Variants in PPP1R9A observed in about 807,000 individuals in gnomAD.
The protein encoded by PPP1R9A is protein phosphatase 1 regulatory subunit 9A.
A neutral mutation model predicts 141.9 loss-of-function variants in PPP1R9A; 59 were observed. The observed-to-expected ratio is 0.42, with a 90% confidence interval of 0.34 to 0.52. The LOEUF is 0.52. PPP1R9A is among the 20% of genes least tolerant of loss of function. The pLI is 0.10. For synonymous variants in PPP1R9A, 500 were observed against 569.7 expected, an observed-to-expected ratio of 0.88 and a Z score of 1.74; for missense variants, 1,444 against 1,611.9, an observed-to-expected ratio of 0.90 and a Z score of 1.78.
intron 2 of PPP1R9A, among the ~76,000 whole-genome samples, chr7:95,018,951 T>G (rs1469522167): frequency 6.6e-6 from 1 of 152,152 alleles, no homozygotes; most frequent in Non-Finnish European, 1.5e-5. Context: ...CCAAGGTAAT[T>G]AAAAGGGAAA....
intron 2 of PPP1R9A, among the ~76,000 whole-genome samples, chr7:95,030,553 T>C (rs1584357309): frequency 6.6e-6 from 1 of 152,254 alleles, no homozygotes; most frequent in East Asian, 1.9e-4. Context: ...CATATACTTT[T>C]AGATGTCTGA....
At chr7:95,245,237 C>G (rs1156842166) in intron 8 of PPP1R9A, among the ~76,000 whole-genome samples, 1 of 152,036 alleles carries the variant, frequency 6.6e-6, no homozygotes. Context: ...TTAGTTTATA[C>G]TGGTGGGGGA....
intron 4 of PPP1R9A, among the ~76,000 whole-genome samples, chr7:95,139,588 G>A (rs2152563436): frequency 6.6e-6 from 1 of 152,178 alleles, no homozygotes; most frequent in South Asian, 2.1e-4. Context: ...GGCAGTTTGG[G>A]AACCAGTGCC....
intron 2 of PPP1R9A, among the ~76,000 whole-genome samples, chr7:95,059,267 A>G (rs951381062): frequency 1.3e-5 from 2 of 152,218 alleles, no homozygotes; most frequent in Admixed American, 6.5e-5. Context: ...GATTTATTTT[A>G]CCAGTCATCC....
intron 8 of PPP1R9A, among the ~76,000 whole-genome samples, chr7:95,235,849 C>G (rs1301976985): frequency 6.6e-6 from 1 of 152,162 alleles, no homozygotes; most frequent in Non-Finnish European, 1.5e-5. Flanking sequence ...TCACAGCAAC[C>G]TGGATGGAAT....
At chr7:95,283,937 C>G in intron 16 of PPP1R9A, 81 bp from the exon 17 acceptor site, 2 of 1,221,594 alleles carry the variant, frequency 1.6e-6, no homozygotes. Flanking sequence ...TTACTTCAAA[C>G]TATATTCAGA....
rs374105073 is a variant in PPP1R9A, at chr7:95,266,353, C to T, written c.2666-2197C>T. Among the ~76,000 whole-genome samples, 4 of 151,846 alleles carry T rather than the reference C, an allele frequency of 2.6e-5. No homozygotes were observed. The East Asian group carries it at 5.8e-4, about 22-fold the overall frequency. ...CCTTTTTTTTTATCATGTTATCTAACATATAGGGAAGATTAATTATAATAT... is the reference window on the plus strand; with the variant it reads ...CCTTTTTTTTTATCATGTTATCTAATATATAGGGAAGATTAATTATAATAT... On this transcript the variant is annotated intron_variant, in intron 12 of 19. Coordinates refer to ENST00000433360, the MANE Select transcript of PPP1R9A (RefSeq NM_001166160.2).
At chr7:95,126,366 C>G (rs1027700963) in intron 4 of PPP1R9A, among the ~76,000 whole-genome samples, 1 of 152,054 alleles carries the variant, frequency 6.6e-6, no homozygotes, top group Admixed American at 6.6e-5. Flanking sequence ...TACCCTTATC[C>G]CTATTGATTC....
intron 2 of PPP1R9A, among the ~76,000 whole-genome samples, chr7:95,061,681 G>A (rs11773583): frequency 0.47 from 71,400 of 151,874 alleles, 17,424 homozygotes; most frequent in African/African-American, 0.53. Flanking sequence ...GGCTGTAGTG[G>A]GCCATGATTG....
chr7:95,273,884 A>G lies in PPP1R9A; in HGVS notation c.3125-15A>G. 1 of 1,480,168 alleles carries G rather than the reference A, an allele frequency of 6.8e-7. No individual in the cohort carries two copies. Among genetic ancestry groups the G allele is most frequent in the Non-Finnish European group, 9.2e-7 (1 of 1,083,274 alleles). The allele number at this position is 1,480,168 out of a possible 1,614,324, so 91.7% of individuals were successfully genotyped here. A position where few individuals can be genotyped will look rare whatever the true frequency, so the allele number is the denominator to read the frequency against. On this transcript the variant is annotated splice_polypyrimidine_tract_variant and intron_variant, in intron 14 of 19. Coordinates refer to ENST00000433360, the MANE Select transcript of PPP1R9A (RefSeq NM_001166160.2). ...TAATAATAATTGATCTTTTTCACAA[A>G]TGTGTATATCCTAGATGATGCCAAA... is the stretch of plus-strand genomic sequence containing the variant.
In PPP1R9A at chr7:95,288,526, C is replaced by G; in HGVS notation, c.3730-10C>G. On this transcript the variant is annotated splice_polypyrimidine_tract_variant and intron_variant, in intron 18 of 19. Coordinates refer to ENST00000433360, the MANE Select transcript of PPP1R9A (RefSeq NM_001166160.2). ...TCCTTTAACAACACTACGTAACATTCCTATCTTAGATCCTTGATGATGGAC... is the reference window on the plus strand; with the variant it reads ...TCCTTTAACAACACTACGTAACATTGCTATCTTAGATCCTTGATGATGGAC... 1.2e-6 allele frequency: 2 copies of G among 1,612,972 alleles called. No homozygotes were observed. The highest frequency in any genetic ancestry group is 1.7e-6 in the Non-Finnish European group (2 of 1,179,556).
chr7:95,268,062 G>A (rs1367799308), intron 12 of PPP1R9A, among the ~76,000 whole-genome samples: 1 of 152,058 alleles, frequency 6.6e-6, no homozygotes, highest in African/African-American at 2.4e-5. Flanking sequence ...AAATGAAAAT[G>A]ATATAGTACC....
At chr7:95,166,275 A>C (rs1831254028) in intron 5 of PPP1R9A, among the ~76,000 whole-genome samples, 1 of 152,186 alleles carries the variant, frequency 6.6e-6, no homozygotes, top group Non-Finnish European at 1.5e-5. Flanking sequence ...CATTTAACTC[A>C]TAAGATTTCT....
At chr7:95,000,489 A>T (rs1207123793) in intron 2 of PPP1R9A, among the ~76,000 whole-genome samples, 1 of 152,024 alleles carries the variant, frequency 6.6e-6, no homozygotes, top group African/African-American at 2.4e-5. Flanking sequence ...GTAGTAATTG[A>T]TGCTTTTTCA....
intron 2 of PPP1R9A, among the ~76,000 whole-genome samples, chr7:94,981,015 G>A (rs1036189437): frequency 1.3e-5 from 2 of 152,142 alleles, no homozygotes; most frequent in South Asian, 2.1e-4. Context: ...GAGATAATAA[G>A]CAAGTGAATA....
At chr7:95,072,759 T>C (rs1814078254) in intron 2 of PPP1R9A, among the ~76,000 whole-genome samples, 1 of 107,040 alleles carries the variant, frequency 9.3e-6, no homozygotes, top group Non-Finnish European at 1.7e-5. Context: ...AATATTATAT[T>C]AAATATATAT....
At chr7:95,283,250 C>G (rs1804615915) in intron 16 of PPP1R9A, among the ~76,000 whole-genome samples, 1 of 152,180 alleles carries the variant, frequency 6.6e-6, no homozygotes, top group Non-Finnish European at 1.5e-5. Flanking sequence ...CTTCAAATGC[C>G]TTTGAATCCT....
chr7:95,043,097 C>T (rs938451415), intron 2 of PPP1R9A, among the ~76,000 whole-genome samples: 10 of 152,132 alleles, frequency 6.6e-5, no homozygotes, highest in Admixed American at 1.3e-4. Flanking sequence ...TAGGTCTTTT[C>T]TTCTTTACCT....
chr7:95,134,386 G>A (rs1825247350), intron 4 of PPP1R9A, among the ~76,000 whole-genome samples: 1 of 152,154 alleles, frequency 6.6e-6, no homozygotes, highest in African/African-American at 2.4e-5. Flanking sequence ...TTAAAACCTA[G>A]ATGAAGGTTG....
Sources: allele counts gnomAD v4.1 joint callset (sites outside exome capture counted in the v4.1 genomes callset), GRCh38; gene constraint gnomAD v4.1.1; transcripts MANE v1.5; gene names NCBI Gene and HGNC (gene_info 2026-07-23, HGNC 2026-07-21).